ADCY2: variants seen among roughly 807,000 people sequenced by gnomAD.
ADCY2 encodes adenylate cyclase type 2.
ADCY2 carries 31 observed loss-of-function variants against 125.2 expected under a neutral mutation model. The ratio of observed to expected loss-of-function variants is 0.25; its 90% CI spans 0.19 to 0.33. The LOEUF (loss-of-function observed/expected upper bound fraction) is 0.33, where lower values mean the gene tolerates loss of function less well. ADCY2 is among the 10% of genes least tolerant of loss of function. The probability of loss-of-function intolerance (pLI) is 1.00; values close to 1 mark genes in which losing one functional copy is unlikely to be tolerated. For synonymous variants in ADCY2, 512 were observed against 548.4 expected, an observed-to-expected ratio of 0.93 and a Z score of 0.93; for missense variants, 904 against 1,418.2, an observed-to-expected ratio of 0.64 and a Z score of 5.82.
intron 2 of ADCY2, among the ~76,000 whole-genome samples, chr5:7,485,247 A>G (rs145093416): frequency 0.013 from 1,967 of 152,358 alleles, 20 homozygotes; most frequent in Non-Finnish European, 0.02. Flanking sequence ...ATAGACATAT[A>G]AAGAATTTTA....
At chr5:7,651,770 T>A (rs1164183395) in intron 4 of ADCY2, among the ~76,000 whole-genome samples, 1 of 152,146 alleles carries the variant, frequency 6.6e-6, no homozygotes, top group Non-Finnish European at 1.5e-5. Context: ...TTAATGAACA[T>A]CTCTTCCAAC....
intron 4 of ADCY2, among the ~76,000 whole-genome samples, chr5:7,649,043 T>C (rs1006639060): frequency 1.3e-5 from 2 of 152,222 alleles, no homozygotes; most frequent in Non-Finnish European, 2.9e-5. Context: ...TTTAGAGATA[T>C]AGCCTCACTA....
At position 7,589,500 on chromosome 5, in the gene ADCY2, A is replaced by AAGAAAG. The variant is rs1554022211; in HGVS notation, c.571-36665_571-36660dup. Among the ~76,000 whole-genome samples the AAGAAAG allele has an allele frequency of 3.7e-4, 26 of 70,074 alleles. 1 individual carries two copies. In the Admixed American group the frequency reaches 5.2e-3, roughly 14 times the overall value. The allele number at this position is 70,074 out of a possible 152,430, so 46.0% of individuals were successfully genotyped here. On this transcript the variant is annotated intron_variant, in intron 3 of 24. Coordinates refer to ENST00000338316, the MANE Select transcript of ADCY2 (RefSeq NM_020546.3). ...AAAGAAAGAAAGAAAGAAAGAAAGAAAGAAAGAAAGAAAAGAAAAGAAAGA... is the reference window on the plus strand; with the variant it reads ...AAAGAAAGAAAGAAAGAAAGAAAGAAAGAAAGAGAAAGAAAGAAAAGAAAAGAAAGA...
intron 2 of ADCY2, among the ~76,000 whole-genome samples, chr5:7,480,145 G>GTGCTTATAC (rs2126471164): frequency 6.6e-6 from 1 of 152,288 alleles, no homozygotes; most frequent in African/African-American, 2.4e-5. Flanking sequence ...AGAAAAAAGA[G>GTGCTTATAC]TGCTTATACA....
At chr5:7,778,551 G>A (rs1479630354) in intron 18 of ADCY2, among the ~76,000 whole-genome samples, 6 of 152,190 alleles carry the variant, frequency 3.9e-5, no homozygotes, top group African/African-American at 1.4e-4. Context: ...GATTGCAACT[G>A]GCTGAAATGT....
intron 16 of ADCY2, among the ~76,000 whole-genome samples, chr5:7,765,319 T>G (rs1743344617): frequency 6.6e-6 from 1 of 152,214 alleles, no homozygotes; most frequent in Non-Finnish European, 1.5e-5. Flanking sequence ...CTATCAAATC[T>G]AAATCTAAAT....
At chr5:7,590,773 T>C (rs1474063860) in intron 3 of ADCY2, among the ~76,000 whole-genome samples, 1 of 152,160 alleles carries the variant, frequency 6.6e-6, no homozygotes, top group African/African-American at 2.4e-5. Flanking sequence ...GTAAATGTGG[T>C]TATGTGTAAT....
intron 2 of ADCY2, among the ~76,000 whole-genome samples, chr5:7,458,085 A>G (rs1205934421): frequency 6.6e-6 from 1 of 152,160 alleles, no homozygotes; most frequent in Non-Finnish European, 1.5e-5. Flanking sequence ...GTCCTCAGGG[A>G]TACTGGGGGA....
chr5:7,512,640 A>G (rs1744111063), intron 2 of ADCY2, among the ~76,000 whole-genome samples: 1 of 152,176 alleles, frequency 6.6e-6, no homozygotes, highest in Non-Finnish European at 1.5e-5. Flanking sequence ...TTGATAATCT[A>G]GAGTCTCTGT....
intron 2 of ADCY2, among the ~76,000 whole-genome samples, chr5:7,489,284 G>A (rs537337742): frequency 1.3e-4 from 20 of 152,262 alleles, no homozygotes; most frequent in South Asian, 1.0e-3. Context: ...GGTGGCACTC[G>A]CCAATCCAGG....
At chr5:7,603,682 T>C (rs1737293669) in intron 3 of ADCY2, among the ~76,000 whole-genome samples, 1 of 149,200 alleles carries the variant, frequency 6.7e-6, no homozygotes, top group South Asian at 2.1e-4. Context: ...TAACTGGTGT[T>C]ACTGGAGTGT....
intron 14 of ADCY2, among the ~76,000 whole-genome samples, chr5:7,741,220 A>G (rs1742396727): frequency 6.6e-6 from 1 of 152,188 alleles, no homozygotes. Context: ...CAGAAATGTG[A>G]CATGTCTATT....
At chr5:7,685,714 T>C (rs1412594568) in intron 4 of ADCY2, among the ~76,000 whole-genome samples, 1 of 152,194 alleles carries the variant, frequency 6.6e-6, no homozygotes, top group East Asian at 1.9e-4. Context: ...AGGACTGTTA[T>C]TGTCTGAGAC....
chr5:7,698,628 A>T (rs1343440011), intron 7 of ADCY2, among the ~76,000 whole-genome samples: 1 of 152,152 alleles, frequency 6.6e-6, no homozygotes, highest in Non-Finnish European at 1.5e-5. Context: ...ATGAGTGAGA[A>T]CATGCGGTAT....
At chr5:7,778,966 A>G (rs1395757553) in intron 18 of ADCY2, among the ~76,000 whole-genome samples, 2 of 152,348 alleles carry the variant, frequency 1.3e-5, no homozygotes, top group East Asian at 1.9e-4. Flanking sequence ...CCAAGCCATA[A>G]TATAGTCAAG....
chr5:7,598,086 G>T (rs950125315), intron 3 of ADCY2, among the ~76,000 whole-genome samples: 5 of 152,148 alleles, frequency 3.3e-5, no homozygotes, highest in Admixed American at 2.6e-4. Flanking sequence ...TACAAGATAC[G>T]CATGGTGTGG....
In ADCY2 at chr5:7,626,159, C is replaced by T. The variant is rs1468261015; in HGVS notation, c.571-8C>T. The T allele has an allele frequency of 6.2e-7, 1 of 1,607,940 alleles. No homozygotes were observed. The highest frequency in any genetic ancestry group is 1.1e-5 in the South Asian group (1 of 89,350). On this transcript the variant is annotated splice_polypyrimidine_tract_variant and splice_region_variant and intron_variant, in intron 3 of 24. Coordinates refer to ENST00000338316, the MANE Select transcript of ADCY2 (RefSeq NM_020546.3). ...TACCCTATTGAGCAGCTCTTTCTGT[C>T]TCTTTAGATCCTGGCCAATGTGATC...
At chr5:7,437,843 T>C (rs1579443320) in intron 2 of ADCY2, among the ~76,000 whole-genome samples, 2 of 152,356 alleles carry the variant, frequency 1.3e-5, no homozygotes, top group East Asian at 3.9e-4. Context: ...AAGAAGAGTA[T>C]AAACTTTTGC....
chr5:7,804,799 A>G, intron 22 of ADCY2, 107 bp downstream of exon 22: 1 of 795,000 alleles, frequency 1.3e-6, no homozygotes, highest in Non-Finnish European at 2.1e-6. Flanking sequence ...TATATTTTGT[A>G]CAACCTAAAG....
Sources: allele counts gnomAD v4.1 joint callset (sites outside exome capture counted in the v4.1 genomes callset), GRCh38; gene constraint gnomAD v4.1.1; transcripts MANE v1.5; gene names NCBI Gene and HGNC (gene_info 2026-07-23, HGNC 2026-07-21).